Variants in GNAI3 observed in about 807,000 individuals in gnomAD.
The protein encoded by GNAI3 is G protein subunit alpha i3.
Under a neutral mutation model 41.8 loss-of-function variants are expected in GNAI3, and 12 were observed. The observed-to-expected ratio is 0.29, with a 90% CI of 0.18 to 0.47. The LOEUF is 0.47. GNAI3 is among the 20% of genes least tolerant of loss of function. The pLI, the probability that GNAI3 is intolerant of heterozygous loss-of-function variation, is 1.00. For missense variants in GNAI3, 360 were observed against 429.6 expected (o/e 0.84, Z 1.43); for synonymous variants, 132 against 146.5 (o/e 0.90, Z 0.71).
Position 109,596,436 on chromosome 1 carries a change from C to CT in GNAI3, c.*4117dup, listed in dbSNP as rs1649312376. On this transcript the variant is annotated 3_prime_UTR_variant, in exon 9 of 9. Transcript: ENST00000369851. ...TGGCACGATCTCTGCTCACTGCAAC[C>CT]TTTGCCTCTTAGGTTCAAGCGATTC... The CT allele has an allele frequency of 6.6e-6, 1 of 152,308 alleles. No individual in the cohort carries two copies. Among genetic ancestry groups the CT allele is most frequent in the African/African-American group, 2.4e-5 (1 of 41,460 alleles). 9.4% of individuals were successfully genotyped at this position (152,308 alleles called of 1,614,324 possible). A position where few individuals can be genotyped will look rare whatever the true frequency, so the allele number is the denominator to read the frequency against.
rs943947730 is a variant in GNAI3 at position 109,598,526 on chromosome 1, A to C, written c.*6204A>C. 8 of 176,094 alleles carry C rather than the reference A, an allele frequency of 4.5e-5. No homozygotes were observed. Among genetic ancestry groups the C allele is most frequent in the Non-Finnish European group, 7.4e-5 (6 of 80,890 alleles). 10.9% of individuals were successfully genotyped at this position (176,094 alleles called of 1,614,324 possible). ...ATACTCAGGATTATACTGCACAGAAAAAAAAAAATCCTAAGGCAGCACCAA... is the reference window on the plus strand; with the variant it reads ...ATACTCAGGATTATACTGCACAGAACAAAAAAAATCCTAAGGCAGCACCAA... On this transcript the variant is annotated 3_prime_UTR_variant, in exon 9 of 9. Coordinates refer to ENST00000369851, the MANE Select transcript of GNAI3 (RefSeq NM_006496.4).
intron 5 of GNAI3, among the ~76,000 whole-genome samples, chr1:109,582,939 G>T (rs1044770499): frequency 1.3e-5 from 2 of 151,716 alleles, no homozygotes; most frequent in African/African-American, 2.4e-5. Context: ...ATGAAAACCA[G>T]TTTTTTTTCG....
chr1:109,576,170 G>A (rs561206088), intron 3 of GNAI3, among the ~76,000 whole-genome samples: 62 of 152,072 alleles, frequency 4.1e-4, no homozygotes, highest in Non-Finnish European at 8.2e-4. Context: ...CTGGATTCAA[G>A]TGATTCTCCT....
At position 109,557,965 on chromosome 1, in the gene GNAI3, C is replaced by G. The variant is rs182327248; in HGVS notation, c.118+9127C>G. On this transcript the variant is annotated intron_variant, in intron 1 of 8. Transcript: ENST00000369851. ...AATAAAGAGATGACAGTGCCTGACACCTAGTAGGCACTCACTAAATATAAG... is the reference window on the plus strand; with the variant it reads ...AATAAAGAGATGACAGTGCCTGACAGCTAGTAGGCACTCACTAAATATAAG... Among the ~76,000 whole-genome samples, 32 of 152,264 alleles carry G rather than the reference C, an allele frequency of 2.1e-4. No homozygotes were observed. In the East Asian group the frequency reaches 5.2e-3, roughly 25 times the overall value.
chr1:109,552,713 G>A (rs1328553556), intron 1 of GNAI3, among the ~76,000 whole-genome samples: 2 of 151,368 alleles, frequency 1.3e-5, no homozygotes, highest in South Asian at 4.2e-4. Context: ...GTGTGTGCGG[G>A]TTTTGTTTTT....
chr1:109,549,237 GT>G (rs918209812), intron 1 of GNAI3, among the ~76,000 whole-genome samples: 20 of 152,320 alleles, frequency 1.3e-4, no homozygotes, highest in Admixed American at 1.3e-3. Flanking sequence ...TTGTATAATG[GT>G]TTGTGAGTTT....
At chr1:109,573,624 A>G in intron 1 of GNAI3, 113 bp from the exon 2 acceptor site, 6 of 825,812 alleles carry the variant, frequency 7.3e-6, no homozygotes, top group South Asian at 6.1e-5. Context: ...AGCCTCACCA[A>G]AATTTTCCCT....
Position 109,591,737 on chromosome 1 carries a change from T to C in GNAI3, c.875-306T>C, listed in dbSNP as rs551241621. 7 of 362,628 alleles carry C rather than the reference T, an allele frequency of 1.9e-5. No individual in the cohort carries two copies. The South Asian group carries it at 5.5e-4, about 29-fold the overall frequency. 22.5% of individuals were successfully genotyped at this position (362,628 alleles called of 1,614,324 possible). A position where few individuals can be genotyped will look rare whatever the true frequency, so the allele number is the denominator to read the frequency against. The stretch of plus-strand genomic sequence containing the variant: ...GTTCCCTAGAAATGCACCTTCCTAC[T>C]TTCCTAGTTTCCTTTTATACTTTCT... On this transcript the variant is annotated intron_variant, in intron 7 of 8. Transcript: ENST00000369851.
chr1:109,579,786 C>T (rs193059551), intron 4 of GNAI3, among the ~76,000 whole-genome samples: 1 of 152,250 alleles, frequency 6.6e-6, no homozygotes, highest in African/African-American at 2.4e-5. Context: ...CTATGGACTT[C>T]ACTAGTAACC....
rs866307965 is a variant in GNAI3, at chr1:109,548,652, C to G, written c.-69C>G. ...CACCGCCCAGCAATAGACGGTGCCT[C>G]AGCCTGCCGAGCCGCAGTTTCCGTG... is the stretch of plus-strand genomic sequence containing the variant. On this transcript the variant is annotated 5_prime_UTR_variant, in exon 1 of 9. Coordinates refer to ENST00000369851, the MANE Select transcript of GNAI3 (RefSeq NM_006496.4). 1.8e-6 allele frequency: 2 copies of G among 1,114,402 alleles called. No individual in the cohort carries two copies. Among genetic ancestry groups the G allele is most frequent in the African/African-American group, 1.5e-5 (1 of 65,674 alleles). The allele number at this position is 1,114,402 out of a possible 1,614,324, so 69.0% of individuals were successfully genotyped here.
In GNAI3 at chr1:109,571,402, A is replaced by G. The variant is rs563060325; in HGVS notation, c.119-2335A>G. 2.0e-5 allele frequency among the ~76,000 whole-genome samples: 3 copies of G among 152,346 alleles called. No homozygotes were observed. In the East Asian group the frequency reaches 5.8e-4, roughly 29 times the overall value. ...AGCTTTGGAGCCAAACTGTGAATGCAAATTTCAGTTCTGCCACTTACTAAC... is the reference window on the plus strand; with the variant it reads ...AGCTTTGGAGCCAAACTGTGAATGCGAATTTCAGTTCTGCCACTTACTAAC... On this transcript the variant is annotated intron_variant, in intron 1 of 8. Coordinates refer to ENST00000369851, the MANE Select transcript of GNAI3 (RefSeq NM_006496.4).
In GNAI3 at chr1:109,579,368, A is replaced by C; in HGVS notation, c.461+7A>C. The C allele has an allele frequency of 6.2e-7, 1 of 1,604,244 alleles. No individual in the cohort carries two copies. The highest frequency in any genetic ancestry group is 8.5e-7 in the Non-Finnish European group (1 of 1,173,554). ...TCAATGATTCTGCTTCATAGTAAGT[A>C]ATTTTTCTCTGTGAAACTATAACAG... On this transcript the variant is annotated splice_region_variant and intron_variant, in intron 4 of 8. Transcript: ENST00000369851.
At chr1:109,570,584 G>C (rs1274121960) in intron 1 of GNAI3, among the ~76,000 whole-genome samples, 1 of 152,210 alleles carries the variant, frequency 6.6e-6, no homozygotes, top group Non-Finnish European at 1.5e-5. Context: ...GTCAGAAAAG[G>C]CTGTTCCTGT....
At chr1:109,579,002 C>T (rs951877721) in intron 3 of GNAI3, among the ~76,000 whole-genome samples, 1 of 152,094 alleles carries the variant, frequency 6.6e-6, no homozygotes, top group Non-Finnish European at 1.5e-5. Flanking sequence ...TTCCTCAGCT[C>T]AGTTCTGGAC....
Position 109,573,825 on chromosome 1 carries a change from G to T in GNAI3, c.161+46G>T, listed in dbSNP as rs200085626. ...TTGTTAGACTAGGATTTCTCCTAAT[G>T]CATATAAAGTCCATAGTATCTTTTC... On this transcript the variant is annotated intron_variant, in intron 2 of 8. Coordinates refer to ENST00000369851, the MANE Select transcript of GNAI3 (RefSeq NM_006496.4). 5.0e-6 allele frequency: 8 copies of T among 1,585,762 alleles called. No homozygotes were observed. In the East Asian group the frequency reaches 1.6e-4, roughly 31 times the overall value.
At chr1:109,588,829 G>T (rs1022836791) in intron 7 of GNAI3, among the ~76,000 whole-genome samples, 2 of 151,628 alleles carry the variant, frequency 1.3e-5, no homozygotes, top group African/African-American at 4.8e-5. Context: ...GGAGGCGGAG[G>T]TTGCGGTGAG....
In GNAI3 at chr1:109,557,762, G is replaced by A. The variant is rs376133976; in HGVS notation, c.118+8924G>A. On this transcript the variant is annotated intron_variant, in intron 1 of 8. Coordinates refer to ENST00000369851, the MANE Select transcript of GNAI3 (RefSeq NM_006496.4). Reference sequence around the variant, plus strand: ...TGCAGGCTCCCAGGATCCCATTCCCGGTTCCTGGTAAAGAGTATCAGATTG... The same window carrying A: ...TGCAGGCTCCCAGGATCCCATTCCCAGTTCCTGGTAAAGAGTATCAGATTG... 7.9e-5 allele frequency among the ~76,000 whole-genome samples: 12 copies of A among 152,152 alleles called. No homozygotes were observed. In the East Asian group the frequency reaches 1.7e-3, roughly 22 times the overall value.
intron 1 of GNAI3, among the ~76,000 whole-genome samples, chr1:109,553,812 C>T (rs1223812194): frequency 6.6e-6 from 1 of 152,166 alleles, no homozygotes; most frequent in Non-Finnish European, 1.5e-5. Context: ...ATCACCTGAG[C>T]AGTCTACACT....
chr1:109,582,589 G>C, intron 5 of GNAI3, 24 bp downstream of exon 5: 1 of 1,568,450 alleles, frequency 6.4e-7, no homozygotes. Context: ...CTTTTTGCTA[G>C]GTGTGCCAAA....
Sources: allele counts gnomAD v4.1 joint callset (sites outside exome capture counted in the v4.1 genomes callset), GRCh38; gene constraint gnomAD v4.1.1; transcripts MANE v1.5; gene names NCBI Gene and HGNC (gene_info 2026-07-23, HGNC 2026-07-21).